Variants in SCN11A observed in about 807,000 individuals in gnomAD.
The protein encoded by SCN11A is sodium voltage-gated channel alpha subunit 11, also known as sodium channel protein type 11 subunit alpha.
Under a neutral mutation model 162.2 loss-of-function variants are expected in SCN11A, and 122 were observed. The ratio of observed to expected loss-of-function variants is 0.75; its 90% CI spans 0.65 to 0.87. The LOEUF (loss-of-function observed/expected upper bound fraction) is 0.87. Among genes scored for constraint, SCN11A ranks in the 40% least tolerant of loss-of-function variants. SCN11A has a pLI of 0.00. For synonymous variants in SCN11A, 758 were observed against 751.5 expected (o/e 1.01, Z -0.14); for missense variants, 2,015 against 2,181.6 (o/e 0.92, Z 1.52).
chr3:38,887,067 T>C (rs377633395), intron 19 of SCN11A, among the ~76,000 whole-genome samples: 1 of 152,180 alleles, frequency 6.6e-6, no homozygotes, highest in Non-Finnish European at 1.5e-5. Flanking sequence ...TATATTCCCA[T>C]ACCTTATGCA....
At chr3:38,934,920 T>C (rs1020640126) in intron 7 of SCN11A, among the ~76,000 whole-genome samples, 8 of 151,206 alleles carry the variant, frequency 5.3e-5, no homozygotes, top group Non-Finnish European at 1.0e-4. Context: ...ATCAACAGAA[T>C]ATACATTTTT....
chr3:38,851,291 T>A (rs1351836671), intron 28 of SCN11A, among the ~76,000 whole-genome samples: 3 of 152,216 alleles, frequency 2.0e-5, no homozygotes, highest in African/African-American at 7.2e-5. Flanking sequence ...ATGCCAATTT[T>A]AAAATTCTTG....
At chr3:38,857,293 T>C (rs1311445986) in intron 28 of SCN11A, among the ~76,000 whole-genome samples, 1 of 151,548 alleles carries the variant, frequency 6.6e-6, no homozygotes, top group Non-Finnish European at 1.5e-5. Flanking sequence ...TCCAGAGAAA[T>C]AGATATCATA....
intron 16 of SCN11A, among the ~76,000 whole-genome samples, chr3:38,901,045 A>G (rs1284696331): frequency 6.6e-6 from 1 of 152,206 alleles, no homozygotes; most frequent in East Asian, 1.9e-4. Context: ...TACAAAAATA[A>G]TAAGGTAATA....
chr3:38,866,768 G>A (rs931738797), intron 27 of SCN11A, among the ~76,000 whole-genome samples: 2 of 152,034 alleles, frequency 1.3e-5, no homozygotes, highest in Non-Finnish European at 2.9e-5. Flanking sequence ...AAGCTCCTGT[G>A]GATTTTAGAA....
At position 38,846,832 on chromosome 3, in the gene SCN11A, C is replaced by T. The variant is rs768430168; in HGVS notation, c.5238G>A (p.Lys1746=). The T allele has an allele frequency of 3.1e-6, 5 of 1,613,920 alleles. No homozygotes were observed. Among genetic ancestry groups the T allele is most frequent in the Non-Finnish European group, 3.4e-6 (4 of 1,180,024 alleles). ...GAAIIQKAFR[K]YMMKVTKGDQ... ...CACCCTTGGTCACCTTCATCATGTA[C>T]TTTCGAAAGGCCTTTTGAATAATAG... is the stretch of plus-strand genomic sequence containing the variant. The change falls in exon 30 of 30, where the codon AAG becomes AAA. Residue 1746 remains lysine, a synonymous_variant. Coordinates refer to ENST00000302328, the MANE Select transcript of SCN11A (RefSeq NM_001349253.2).
Position 38,847,749 on chromosome 3 carries a change from AG to A in SCN11A, c.4328-8del. 6.4e-7 allele frequency: 1 copy of A among 1,553,500 alleles called. No homozygotes were observed. The highest frequency in any genetic ancestry group is 8.8e-7 in the Non-Finnish European group (1 of 1,137,980). ...AAGGTAGAAATCATTGTACCTCAGG[AG>A]AAGGAGAAAAGTAAATAAGTTTCCA... On this transcript the variant is annotated splice_polypyrimidine_tract_variant and splice_region_variant and intron_variant, in intron 29 of 29. Transcript: ENST00000302328.
At chr3:39,001,998 C>T (rs2030829379) in intron 2 of SCN11A, among the ~76,000 whole-genome samples, 1 of 151,952 alleles carries the variant, frequency 6.6e-6, no homozygotes, top group African/African-American at 2.4e-5. Context: ...GATGACGCCA[C>T]TGCACTTCAG....
chr3:39,009,456 G>A (rs930883753), intron 2 of SCN11A, among the ~76,000 whole-genome samples: 35 of 150,960 alleles, frequency 2.3e-4, no homozygotes, highest in Middle Eastern at 3.4e-3. Context: ...AGGATTCTCC[G>A]TCATATTAAG....
At chr3:38,853,848 C>T (rs962992143) in intron 28 of SCN11A, among the ~76,000 whole-genome samples, 1 of 152,200 alleles carries the variant, frequency 6.6e-6, no homozygotes, top group Non-Finnish European at 1.5e-5. Flanking sequence ...CTCTGTTGTG[C>T]CTATTGTACT....
intron 23 of SCN11A, among the ~76,000 whole-genome samples, chr3:38,875,344 A>G (rs796950710): frequency 8.5e-5 from 13 of 152,168 alleles, no homozygotes; most frequent in African/African-American, 3.1e-4. Flanking sequence ...TCTTTTGTCT[A>G]TTCTTTGTAA....
intron 7 of SCN11A, among the ~76,000 whole-genome samples, chr3:38,935,521 G>C (rs549638006): frequency 6.6e-6 from 1 of 151,902 alleles, no homozygotes; most frequent in Admixed American, 6.6e-5. Context: ...TCAAATAGAA[G>C]CAATAAAAAA....
At chr3:38,964,173 G>GCCC (rs1448495115) in intron 2 of SCN11A, among the ~76,000 whole-genome samples, 1 of 152,182 alleles carries the variant, frequency 6.6e-6, no homozygotes, top group Non-Finnish European at 1.5e-5. Context: ...GTTCAGAGGC[G>GCCC]CCCCACATTT....
intron 2 of SCN11A, among the ~76,000 whole-genome samples, chr3:38,984,419 C>T (rs766111287): frequency 6.6e-6 from 1 of 152,098 alleles, no homozygotes; most frequent in Non-Finnish European, 1.5e-5. Flanking sequence ...AATATGGCAC[C>T]TTAGTGGTGA....
intron 2 of SCN11A, among the ~76,000 whole-genome samples, chr3:39,025,459 T>C (rs1353398469): frequency 6.6e-6 from 1 of 152,218 alleles, no homozygotes; most frequent in African/African-American, 2.4e-5. Flanking sequence ...TTCTTGATTA[T>C]ATGCTAAACA....
At chr3:38,848,841 G>C (rs1338373719) in intron 29 of SCN11A, among the ~76,000 whole-genome samples, 3 of 152,156 alleles carry the variant, frequency 2.0e-5, no homozygotes, top group Admixed American at 1.3e-4. Context: ...AACTCCTAGA[G>C]AGAGATTCAT....
chr3:38,990,137 C>A (rs757291093), intron 2 of SCN11A, among the ~76,000 whole-genome samples: 1 of 152,126 alleles, frequency 6.6e-6, no homozygotes, highest in Admixed American at 6.5e-5. Context: ...CTGGTGCTGC[C>A]GAGAGTTTCT....
At chr3:38,933,558 C>T (rs1474804470) in intron 7 of SCN11A, among the ~76,000 whole-genome samples, 11 of 152,154 alleles carry the variant, frequency 7.2e-5, no homozygotes, top group East Asian at 1.9e-4. Flanking sequence ...AGCCAAGGCT[C>T]GAGAACTACG....
intron 29 of SCN11A, among the ~76,000 whole-genome samples, chr3:38,848,289 T>A (rs902329564): frequency 1.3e-5 from 2 of 152,256 alleles, no homozygotes; most frequent in African/African-American, 4.8e-5. Flanking sequence ...ATACAAGGAT[T>A]TAAGACAATT....
Sources: allele counts gnomAD v4.1 joint callset (sites outside exome capture counted in the v4.1 genomes callset), GRCh38; gene constraint gnomAD v4.1.1; transcripts MANE v1.5; gene names NCBI Gene and HGNC (gene_info 2026-07-23, HGNC 2026-07-21).